Variants in RBL1 observed in about 807,000 individuals in gnomAD.
RBL1 encodes RB transcriptional corepressor like 1.
Under a neutral mutation model 123.0 loss-of-function variants are expected in RBL1, and 82 were observed. The observed-to-expected ratio is 0.67, with a 90% CI of 0.56 to 0.80. The LOEUF (loss-of-function observed/expected upper bound fraction) is 0.80. Among genes scored for constraint, RBL1 ranks in the 30% least tolerant of loss-of-function variants. The probability of loss-of-function intolerance (pLI) is 0.00; values close to 1 mark genes in which losing one functional copy is unlikely to be tolerated. For synonymous variants in RBL1, 405 were observed against 441.3 expected (o/e 0.92, Z 1.03); for missense variants, 1,171 against 1,299.6 (o/e 0.90, Z 1.52).
intron 2 of RBL1, among the ~76,000 whole-genome samples, chr20:37,069,236 T>C (rs2065237909): frequency 1.3e-5 from 2 of 152,358 alleles, no homozygotes; most frequent in Admixed American, 1.3e-4. Context: ...AGTGCCAAGA[T>C]TGCAGCCTCT....
chr20:37,080,705 C>T (rs560410156), intron 2 of RBL1, among the ~76,000 whole-genome samples: 12 of 152,180 alleles, frequency 7.9e-5, no homozygotes, highest in East Asian at 1.9e-4. Flanking sequence ...TAGATCCACC[C>T]GCCTAGGCCT....
chr20:37,032,903 A>C (rs776530493), intron 15 of RBL1, 27 bp from the exon 16 acceptor site: 1 of 1,612,382 alleles, frequency 6.2e-7, no homozygotes, highest in Non-Finnish European at 8.5e-7. Flanking sequence ...TATTAGAAAT[A>C]ATCTGCATAT....
At chr20:37,019,510 C>T (rs1442734373) in intron 18 of RBL1, among the ~76,000 whole-genome samples, 1 of 152,150 alleles carries the variant, frequency 6.6e-6, no homozygotes, top group Non-Finnish European at 1.5e-5. Context: ...CCTGAAGAAG[C>T]CCAGAAACTC....
chr20:37,058,144 A>AAAAAG (rs2065042662), intron 9 of RBL1, among the ~76,000 whole-genome samples: 1 of 125,104 alleles, frequency 8.0e-6, no homozygotes, highest in East Asian at 2.0e-4. Flanking sequence ...ACAAAACAAA[A>AAAAAG]AAAAAAAAGC....
chr20:37,032,850 T>C lies in RBL1; in HGVS notation c.2197A>G (p.Thr733Ala), dbSNP rs750720076. Residue 733 changes from threonine to alanine, a missense_variant, in exon 16 of 22, where the codon ACA (threonine) becomes GCA (alanine). Physicochemically the swap from Thr to Ala is moderately conservative, Grantham distance 58. Coordinates refer to ENST00000373664, the MANE Select transcript of RBL1 (RefSeq NM_002895.5). Reference protein sequence around the residue: ...HGVANDAGEITLIPLSMNTNQ... With the variant: ...HGVANDAGEIALIPLSMNTNQ... ...GTATTCATGGAAAGAGGTATCAGTG[T>C]GATCTCTCCAGCATCATTTGCGACA... 7.4e-6 allele frequency: 12 copies of C among 1,614,062 alleles called. No homozygotes were observed. The highest frequency in any genetic ancestry group is 8.5e-6 in the Non-Finnish European group (10 of 1,180,002).
chr20:37,038,654 G>A lies in RBL1; in HGVS notation c.1903+1499C>T, dbSNP rs115283499. On this transcript the variant is annotated intron_variant, in intron 14 of 21. Transcript: ENST00000373664. Reference sequence around the variant, plus strand: ...GTCTCGCTCTGTCCGCCAGGCTGGGGTCCAGTGGTGTGATCTTGGCTCACT... The same window carrying A: ...GTCTCGCTCTGTCCGCCAGGCTGGGATCCAGTGGTGTGATCTTGGCTCACT... 2.7e-3 allele frequency among the ~76,000 whole-genome samples: 389 copies of A among 145,904 alleles called. 1 individual carries two copies. The highest frequency in any genetic ancestry group is 9.6e-3 in the African/African-American group (376 of 39,014).
chr20:37,056,874 G>C (rs2065016710), intron 9 of RBL1, among the ~76,000 whole-genome samples: 2 of 152,130 alleles, frequency 1.3e-5, no homozygotes, highest in South Asian at 4.1e-4. Flanking sequence ...TTGTCTTTTT[G>C]TGATTGACTA....
chr20:37,022,802 A>G lies in RBL1; in HGVS notation c.2407T>C (p.Leu803=). 6.2e-7 allele frequency: 1 copy of G among 1,611,608 alleles called. No homozygotes were observed. Among genetic ancestry groups the G allele is most frequent in the Non-Finnish European group, 8.5e-7 (1 of 1,178,924 alleles). Residue 803 remains leucine, a synonymous_variant, in exon 17 of 22, where the codon TTA becomes CTA. Transcript: ENST00000373664. The stretch of plus-strand genomic sequence containing the variant: ...TCCAGTTTTAGACATAGATCACGTA[A>G]GCGTACACTTGCCAAATGATAGACC... ...RKVYHLASVR[L]RDLCLKLDVS...
chr20:37,084,268 T>C (rs773443490), intron 2 of RBL1, among the ~76,000 whole-genome samples: 4 of 152,152 alleles, frequency 2.6e-5, no homozygotes, highest in Admixed American at 1.3e-4. Context: ...AGAAATATCA[T>C]CTTTACAATG....
chr20:37,057,934 T>G (rs192070403), intron 9 of RBL1, among the ~76,000 whole-genome samples: 320 of 152,072 alleles, frequency 2.1e-3, no homozygotes, highest in African/African-American at 7.3e-3. Context: ...GAGACCAGCC[T>G]GACCAATATG....
chr20:37,051,508 T>G (rs1338751284), intron 11 of RBL1, among the ~76,000 whole-genome samples: 2 of 152,060 alleles, frequency 1.3e-5, no homozygotes, highest in Non-Finnish European at 2.9e-5. Flanking sequence ...ATTCTGTACA[T>G]AGACAACTAT....
At position 37,095,858 on chromosome 20, in the gene RBL1, AG is replaced by A; in HGVS notation, c.70del (p.Leu24CysfsTer5). 6.2e-7 allele frequency: 1 copy of A among 1,607,400 alleles called. No homozygotes were observed. Among genetic ancestry groups the A allele is most frequent in the South Asian group, 1.1e-5 (1 of 90,044 alleles). ...CTCGTCCAGGTTCAGCTCCTGGCAC[AG>A]GGCCTGTAGCGCCTCCCCGGCTGCG... The part of the protein sequence containing the change: ...VAAAGEALQA[L>X]CQELNLDEGS... On this transcript the variant is annotated frameshift_variant, in exon 1 of 22. Coordinates refer to ENST00000373664, the MANE Select transcript of RBL1 (RefSeq NM_002895.5). LOFTEE classifies it high-confidence loss of function.
intron 2 of RBL1, among the ~76,000 whole-genome samples, chr20:37,073,373 C>T (rs1302849689): frequency 6.6e-6 from 1 of 152,100 alleles, no homozygotes; most frequent in African/African-American, 2.4e-5. Flanking sequence ...GTAAACTTCA[C>T]AGCTTTCAAT....
Position 37,089,088 on chromosome 20 carries a change from T to A in RBL1, c.191A>T (p.Tyr64Phe). ...EVTHWLACSLYVACRKSIIPT... is the reference protein window; with the variant it reads ...EVTHWLACSLFVACRKSIIPT... ...AATAATGCTTTTGCGGCATGCAACATATAATGAACATGCCAACCAGTGTGT... is the reference window on the plus strand; with the variant it reads ...AATAATGCTTTTGCGGCATGCAACAAATAATGAACATGCCAACCAGTGTGT... The change falls in exon 2 of 22, where the codon TAT (tyrosine) becomes TTT (phenylalanine). Residue 64 changes from tyrosine (Y) to phenylalanine (F), a missense_variant. By Grantham distance (22) the Tyr-to-Phe change is conservative (BLOSUM62 3). Coordinates refer to ENST00000373664, the MANE Select transcript of RBL1 (RefSeq NM_002895.5). The A allele has an allele frequency of 6.2e-7, 1 of 1,611,386 alleles. No homozygotes were observed. Among genetic ancestry groups the A allele is most frequent in the South Asian group, 1.1e-5 (1 of 90,654 alleles).
chr20:37,032,768 C>A lies in RBL1; in HGVS notation c.2279G>T (p.Gly760Val). 1 of 1,613,958 alleles carries A rather than the reference C, an allele frequency of 6.2e-7. No homozygotes were observed. The highest frequency in any genetic ancestry group is 8.5e-7 in the Non-Finnish European group (1 of 1,179,974). ...PVSLTAHSLI[G>V]ASPKQTNLTK... ...CAGATTGGTCTGTTTTGGAGAAGCA[C>A]CAATTAATGAATGAGCAGTAAGTGA... The change falls in exon 16 of 22, where the codon GGT (glycine) becomes GTT (valine). Residue 760 changes from glycine (G) to valine (V), a missense_variant. Transcript: ENST00000373664.
intron 1 of RBL1, among the ~76,000 whole-genome samples, chr20:37,091,085 G>A (rs550205456): frequency 1.1e-4 from 16 of 152,260 alleles, no homozygotes; most frequent in African/African-American, 2.4e-4. Context: ...AGGCCGGTGC[G>A]GTGGCTCACG....
At chr20:37,057,372 G>T (rs149402298) in intron 9 of RBL1, among the ~76,000 whole-genome samples, 2,830 of 152,160 alleles carry the variant, frequency 0.019, 48 homozygotes, top group Non-Finnish European at 0.027. Flanking sequence ...TGCTATTTTG[G>T]TTTTTTTGGG....
chr20:37,006,468 C>T (rs2064074643), intron 20 of RBL1, among the ~76,000 whole-genome samples: 1 of 151,150 alleles, frequency 6.6e-6, no homozygotes, highest in Non-Finnish European at 1.5e-5. Context: ...GCTGAGATTA[C>T]AGGCATGAGC....
intron 8 of RBL1, among the ~76,000 whole-genome samples, chr20:37,061,516 G>A (rs2065095316): frequency 6.6e-6 from 1 of 152,154 alleles, no homozygotes; most frequent in Non-Finnish European, 1.5e-5. Flanking sequence ...TTTTATATAT[G>A]AGGAAATAGG....
Sources: gnomAD v4.1 joint callset for allele counts (sites outside exome capture counted in the v4.1 genomes callset) on GRCh38, gnomAD v4.1.1 for gene constraint, MANE v1.5 for transcripts, NCBI Gene and HGNC (gene_info 2026-07-23, HGNC 2026-07-21) for gene names.